Variants in MYT1L observed in about 807,000 individuals in gnomAD.
MYT1L encodes myelin transcription factor 1 like, also known as myelin transcription factor 1-like protein.
MYT1L carries 12 observed loss-of-function variants against 126.7 expected under a neutral mutation model. The ratio of observed to expected loss-of-function variants is 0.09; its 90% CI spans 0.06 to 0.15. The LOEUF (loss-of-function observed/expected upper bound fraction) is 0.15. Among genes scored for constraint, MYT1L ranks in the 10% least tolerant of loss-of-function variants. The pLI, the probability that MYT1L is intolerant of heterozygous loss-of-function variation, is 1.00. For missense variants in MYT1L, 979 were observed against 1,585.2 expected (o/e 0.62, Z 6.49); for synonymous variants, 541 against 604.2 (o/e 0.90, Z 1.53).
intron 3 of MYT1L, among the ~76,000 whole-genome samples, chr2:2,139,331 A>G (rs2083580680): frequency 6.6e-6 from 1 of 152,100 alleles, no homozygotes; most frequent in Admixed American, 6.6e-5. Flanking sequence ...ATGAATGTGC[A>G]TGTCCAGGCC....
At chr2:1,918,572 G>A (rs1055852505) in intron 10 of MYT1L, among the ~76,000 whole-genome samples, 8 of 152,060 alleles carry the variant, frequency 5.3e-5, no homozygotes, top group Non-Finnish European at 7.3e-5. Flanking sequence ...CTTTTCATTC[G>A]TTCAGGTGAA....
chr2:1,792,522 C>T (rs937513639), intron 23 of MYT1L, 58 bp from the exon 24 acceptor site: 24 of 1,554,092 alleles, frequency 1.5e-5, no homozygotes, highest in African/African-American at 1.2e-4. Context: ...AGCGCGTGGT[C>T]GTTGCCGGGG....
intron 2 of MYT1L, among the ~76,000 whole-genome samples, chr2:2,217,457 C>G (rs2093708618): frequency 6.6e-6 from 1 of 151,866 alleles, no homozygotes; most frequent in South Asian, 2.1e-4. Flanking sequence ...CAGAGGCAGA[C>G]AGATCACTTG....
intron 2 of MYT1L, among the ~76,000 whole-genome samples, chr2:2,230,461 G>A (rs915987024): frequency 1.3e-5 from 2 of 152,312 alleles, no homozygotes; most frequent in South Asian, 2.1e-4. Flanking sequence ...ATTATGAATC[G>A]CCAATGTACT....
At chr2:2,285,225 G>A (rs966263760) in intron 1 of MYT1L, among the ~76,000 whole-genome samples, 3 of 152,182 alleles carry the variant, frequency 2.0e-5, no homozygotes, top group Non-Finnish European at 2.9e-5. Context: ...TGGACTTGGG[G>A]AGTGCATCGT....
At chr2:1,870,897 A>T (rs2046195929) in intron 18 of MYT1L, among the ~76,000 whole-genome samples, 1 of 152,242 alleles carries the variant, frequency 6.6e-6, no homozygotes, top group South Asian at 2.1e-4. Flanking sequence ...GTGGAGACCC[A>T]GCTCTGCGAG....
intron 18 of MYT1L, among the ~76,000 whole-genome samples, chr2:1,866,969 G>GA (rs1214335721): frequency 1.6e-5 from 2 of 126,580 alleles, no homozygotes; most frequent in Non-Finnish European, 3.3e-5. Context: ...GAGAGAGAGA[G>GA]GGAGGAGAGA....
intron 3 of MYT1L, among the ~76,000 whole-genome samples, chr2:2,109,065 C>T (rs2079073453): frequency 6.6e-6 from 1 of 152,210 alleles, no homozygotes; most frequent in African/African-American, 2.4e-5. Flanking sequence ...TCCTTAGTTG[C>T]TAAAAGTCTG....
intron 2 of MYT1L, among the ~76,000 whole-genome samples, chr2:2,173,958 G>C (rs1437922121): frequency 6.6e-6 from 1 of 152,120 alleles, no homozygotes; most frequent in Admixed American, 6.5e-5. Context: ...CTTGAAATAA[G>C]ATAACACAAG....
At position 2,034,070 on chromosome 2, in the gene MYT1L, G is replaced by A. The variant is rs138698931; in HGVS notation, c.-158+19908C>T. On this transcript the variant is annotated intron_variant, in intron 4 of 24. Coordinates refer to ENST00000647738, the MANE Select transcript of MYT1L (RefSeq NM_001303052.2). ...TCCAGACTCCAGACTAAGTAGCTTC[G>A]TTACTGTACACAGGTCACTTCATTT... is the stretch of plus-strand genomic sequence containing the variant. Among the ~76,000 whole-genome samples the A allele has an allele frequency of 7.9e-5, 12 of 152,258 alleles. No individual in the cohort carries two copies. In the East Asian group the frequency reaches 1.2e-3, roughly 15 times the overall value.
At chr2:1,980,451 T>C (rs2060521837) in intron 5 of MYT1L, among the ~76,000 whole-genome samples, 2 of 152,134 alleles carry the variant, frequency 1.3e-5, no homozygotes, top group East Asian at 1.9e-4. Context: ...GGGCGCGCTC[T>C]CAATGTTGTT....
chr2:2,288,012 T>G (rs1248973343), intron 1 of MYT1L, among the ~76,000 whole-genome samples: 1 of 152,244 alleles, frequency 6.6e-6, no homozygotes, highest in Non-Finnish European at 1.5e-5. Flanking sequence ...TTTTTTGGCT[T>G]CTTCAGACAG....
intron 3 of MYT1L, among the ~76,000 whole-genome samples, chr2:2,166,513 C>A (rs1432981626): frequency 6.6e-6 from 1 of 152,200 alleles, no homozygotes; most frequent in Non-Finnish European, 1.5e-5. Context: ...AGCTGTTATT[C>A]TCTGGCTGCG....
At chr2:1,896,464 G>C (rs1202062518) in intron 14 of MYT1L, among the ~76,000 whole-genome samples, 1 of 152,164 alleles carries the variant, frequency 6.6e-6, no homozygotes, top group Non-Finnish European at 1.5e-5. Flanking sequence ...ATTAGATAAA[G>C]AAAATGCGGT....
At chr2:2,190,530 T>C (rs1432530063) in intron 2 of MYT1L, among the ~76,000 whole-genome samples, 2 of 138,514 alleles carry the variant, frequency 1.4e-5, no homozygotes, top group Non-Finnish European at 1.5e-5. Context: ...AGCTCCAGCC[T>C]GCTGGGCCAC....
In MYT1L at chr2:1,889,136, G is replaced by T; in HGVS notation, c.2520+105C>A. On this transcript the variant is annotated intron_variant, in intron 16 of 24. Transcript: ENST00000647738. The surrounding 1 kb of genome is among the most constrained non-coding windows in gnomAD (Gnocchi z 4.1). ...TCCTCAGCTAAAGGTCATATTTAAAGAGAAAATATATTTTCTCATAACGTA... is the reference window on the plus strand; with the variant it reads ...TCCTCAGCTAAAGGTCATATTTAAATAGAAAATATATTTTCTCATAACGTA... 1.2e-6 allele frequency: 1 copy of T among 849,260 alleles called. No homozygotes were observed. The highest frequency in any genetic ancestry group is 1.8e-6 in the Non-Finnish European group (1 of 554,908). The allele number at this position is 849,260 out of a possible 1,614,324, so 52.6% of individuals were successfully genotyped here. A position where few individuals can be genotyped will look rare whatever the true frequency, so the allele number is the denominator to read the frequency against.
At chr2:2,237,551 C>A (rs1000546596) in intron 2 of MYT1L, among the ~76,000 whole-genome samples, 1 of 152,176 alleles carries the variant, frequency 6.6e-6, no homozygotes, top group Non-Finnish European at 1.5e-5. Context: ...GCTTAAAATG[C>A]ATAATTGAAT....
At chr2:2,252,999 C>T (rs1431670793) in intron 2 of MYT1L, among the ~76,000 whole-genome samples, 1 of 151,998 alleles carries the variant, frequency 6.6e-6, no homozygotes, top group African/African-American at 2.4e-5. Flanking sequence ...AATTTCTATC[C>T]CTCACTTGAA....
At chr2:1,821,945 C>A (rs143493819) in intron 21 of MYT1L, among the ~76,000 whole-genome samples, 1 of 152,216 alleles carries the variant, frequency 6.6e-6, no homozygotes, top group East Asian at 1.9e-4. Context: ...GAGAAGGAGG[C>A]CTGTGGCAGG....
Sources: gnomAD v4.1 joint callset for allele counts (sites outside exome capture counted in the v4.1 genomes callset) on GRCh38, gnomAD v4.1.1 for gene constraint, Gnocchi (gnomAD v3.1) non-coding constraint, MANE v1.5 for transcripts, NCBI Gene and HGNC (gene_info 2026-07-23, HGNC 2026-07-21) for gene names.